Variants in TMUB2 observed in about 807,000 individuals in gnomAD.
TMUB2 encodes transmembrane and ubiquitin-like domain-containing protein 2.
A neutral mutation model predicts 20.2 loss-of-function variants in TMUB2; 19 were observed. The observed-to-expected ratio is 0.94, with a 90% CI of 0.66 to 1.38. The LOEUF is 1.38. Ranked by LOEUF, TMUB2 falls within the 40% of genes most tolerant of loss-of-function variation. The pLI, the probability that TMUB2 is intolerant of heterozygous loss-of-function variation, is 0.00. For missense variants in TMUB2, 426 were observed against 402.5 expected (o/e 1.06, Z -0.50); for synonymous variants, 186 against 166.0 (o/e 1.12, Z -0.92).
chr17:44,187,563 G>T (rs917889675), intron 1 of TMUB2, 113 bp from the exon 2 acceptor site: 15 of 649,912 alleles, frequency 2.3e-5, no homozygotes, highest in Non-Finnish European at 4.3e-5. Context: ...TTTCTTTGCC[G>T]CAGTTTCTTT....
In TMUB2 at chr17:44,190,915, C is replaced by T. The variant is rs779841612; in HGVS notation, c.*51C>T. ...TGGTCTTTCTCCTTTACGGCCTCCC[C>T]ACTTTTCCTGGCCAGAGCTGGGCCC... On this transcript the variant is annotated 3_prime_UTR_variant, in exon 4 of 4. Coordinates refer to ENST00000538716, the MANE Select transcript of TMUB2 (RefSeq NM_001076674.3). 1 of 1,541,178 alleles carries T rather than the reference C, an allele frequency of 6.5e-7. No individual in the cohort carries two copies. The highest frequency in any genetic ancestry group is 1.3e-5 in the South Asian group (1 of 77,848).
In TMUB2 at chr17:44,191,887, T is replaced by C. The variant is rs958284750; in HGVS notation, c.*1023T>C. On this transcript the variant is annotated 3_prime_UTR_variant, in exon 4 of 4. Coordinates refer to ENST00000538716, the MANE Select transcript of TMUB2 (RefSeq NM_001076674.3). ...CAGCGTTTACAAAGTTAGCTACCTGTACAGAATGGATTACATATGCAAAAA... is the reference window on the plus strand; with the variant it reads ...CAGCGTTTACAAAGTTAGCTACCTGCACAGAATGGATTACATATGCAAAAA... The C allele has an allele frequency of 5.7e-5, 15 of 263,040 alleles. No homozygotes were observed. The highest frequency in any genetic ancestry group is 3.2e-4 in the African/African-American group (14 of 43,170). The allele number at this position is 263,040 out of a possible 1,614,324, so 16.3% of individuals were successfully genotyped here.
chr17:44,188,905 A>G, intron 2 of TMUB2, 117 bp from the exon 3 acceptor site: 18 of 1,430,980 alleles, frequency 1.3e-5, no homozygotes, highest in Non-Finnish European at 1.6e-5. Flanking sequence ...CCTTCTACAC[A>G]ACACTGAACT....
intron 3 of TMUB2, 112 bp from the exon 4 acceptor site, chr17:44,190,389 A>G: frequency 8.1e-7 from 1 of 1,231,472 alleles, no homozygotes; most frequent in Non-Finnish European, 1.1e-6. Context: ...GATGAGGGAA[A>G]AAAAAATCCA....
chr17:44,187,733 A>C lies in TMUB2; in HGVS notation c.25A>C (p.Asn9His), dbSNP rs1013660396. 1.7e-5 allele frequency: 12 copies of C among 718,504 alleles called. No individual in the cohort carries two copies. The highest frequency in any genetic ancestry group is 3.5e-5 in the African/African-American group (2 of 57,266). 44.5% of individuals were successfully genotyped at this position (718,504 alleles called of 1,614,324 possible). A position where few individuals can be genotyped will look rare whatever the true frequency, so the allele number is the denominator to read the frequency against. The change falls in exon 2 of 4, where the codon AAC (asparagine) becomes CAC (histidine). Residue 9 changes from asparagine to histidine, a missense_variant. Transcript: ENST00000538716. MISRHLQN[N>H]LMSVDPASSQ... ...GATGATTTCACGTCATCTTCAAAAC[A>C]ACCTCATGAGGTAGGTACTGTTTTT...
Position 44,191,637 on chromosome 17 carries a change from C to G in TMUB2, c.*773C>G, listed in dbSNP as rs1342011501. On this transcript the variant is annotated 3_prime_UTR_variant, in exon 4 of 4. Coordinates refer to ENST00000538716, the MANE Select transcript of TMUB2 (RefSeq NM_001076674.3). ...GTCCTACCCTGCCCAACTCCAAGGA[C>G]TGGGTATGGATTGCTGGGCCCTAGG... 2 of 985,684 alleles carry G rather than the reference C, an allele frequency of 2.0e-6. No homozygotes were observed. The highest frequency in any genetic ancestry group is 3.5e-5 in the African/African-American group (2 of 57,196). 61.1% of individuals were successfully genotyped at this position (985,684 alleles called of 1,614,324 possible).
chr17:44,187,392 A>G, intron 1 of TMUB2: 1 of 372,536 alleles, frequency 2.7e-6, no homozygotes, highest in Non-Finnish European at 5.0e-6. Context: ...CCTTCGCCTC[A>G]GAAAAAGGGT....
Position 44,191,477 on chromosome 17 carries a change from G to C in TMUB2, c.*613G>C. The C allele has an allele frequency of 1.0e-6, 1 of 986,014 alleles. No homozygotes were observed. Among genetic ancestry groups the C allele is most frequent in the Non-Finnish European group, 1.2e-6 (1 of 830,148 alleles). 61.1% of individuals were successfully genotyped at this position (986,014 alleles called of 1,614,324 possible). A position where few individuals can be genotyped will look rare whatever the true frequency, so the allele number is the denominator to read the frequency against. The stretch of plus-strand genomic sequence containing the variant: ...TGCATTTTATTTTATTTTTTTAAGA[G>C]TCCTTCATAGAGCTCAGTCAGGAAG... On this transcript the variant is annotated 3_prime_UTR_variant, in exon 4 of 4. Transcript: ENST00000538716.
rs774312680 is a variant in TMUB2 at position 44,189,322 on chromosome 17, G to A, written c.336G>A (p.Glu112=). 9 of 1,591,154 alleles carry A rather than the reference G, an allele frequency of 5.7e-6. No homozygotes were observed. In the South Asian group the frequency reaches 8.1e-5, roughly 14 times the overall value. ...AGGGTAATGATGAGAAGGCTGAAGA[G>A]GCGGGTGAAGGTCGGGGAGACTCCA... is the stretch of plus-strand genomic sequence containing the variant. ...PSEGNDEKAE[E]AGEGRGDSTG... The change falls in exon 3 of 4, where the codon GAG becomes GAA. Residue 112 remains glutamate, a synonymous_variant. Coordinates refer to ENST00000538716, the MANE Select transcript of TMUB2 (RefSeq NM_001076674.3).
chr17:44,187,290 T>C (rs1231653872), intron 1 of TMUB2, 181 bp downstream of exon 1: 1 of 183,942 alleles, frequency 5.4e-6, no homozygotes, highest in Middle Eastern at 2.5e-3. Flanking sequence ...ACTGGTCTTA[T>C]CACGGAGGCT....
chr17:44,191,580 T>TAAGC lies in TMUB2; in HGVS notation c.*720_*723dup. The TAAGC allele has an allele frequency of 1.0e-6, 1 of 986,042 alleles. No homozygotes were observed. Among genetic ancestry groups the TAAGC allele is most frequent in the South Asian group, 4.7e-5 (1 of 21,294 alleles). 61.1% of individuals were successfully genotyped at this position (986,042 alleles called of 1,614,324 possible). A position where few individuals can be genotyped will look rare whatever the true frequency, so the allele number is the denominator to read the frequency against. ...TGCTGCTCCCGTAGTCCTCAGGCTG[T>TAAGC]AAGCAAGAGACAGCACTGGCCCTTG... On this transcript the variant is annotated 3_prime_UTR_variant, in exon 4 of 4. Transcript: ENST00000538716.
intron 2 of TMUB2, chr17:44,188,020 A>G (rs758130294): frequency 1.7e-5 from 8 of 464,156 alleles, no homozygotes; most frequent in East Asian, 3.7e-5. Context: ...GTACATAAGT[A>G]TAATGAAGTT....
Position 44,189,564 on chromosome 17 carries a change from A to G in TMUB2, c.578A>G (p.Glu193Gly). 6.2e-7 allele frequency: 1 copy of G among 1,603,308 alleles called. No individual in the cohort carries two copies. The highest frequency in any genetic ancestry group is 8.5e-7 in the Non-Finnish European group (1 of 1,173,788). Residue 193 changes from glutamate to glycine, a missense_variant, in exon 3 of 4, where the codon GAG becomes GGG. Transcript: ENST00000538716. ...DTEELAVARP[E>G]DTVGALKSKY... ...GAGGAGCTGGCTGTGGCTAGGCCAGAGGATACCGTGGGTGCCCTGAAGAGG... is the reference window on the plus strand; with the variant it reads ...GAGGAGCTGGCTGTGGCTAGGCCAGGGGATACCGTGGGTGCCCTGAAGAGG...
chr17:44,191,057 C>G lies in TMUB2; in HGVS notation c.*193C>G. 7.2e-7 allele frequency: 1 copy of G among 1,389,782 alleles called. No homozygotes were observed. The highest frequency in any genetic ancestry group is 1.6e-5 in the South Asian group (1 of 60,846). The allele number at this position is 1,389,782 out of a possible 1,614,324, so 86.1% of individuals were successfully genotyped here. On this transcript the variant is annotated 3_prime_UTR_variant, in exon 4 of 4. Coordinates refer to ENST00000538716, the MANE Select transcript of TMUB2 (RefSeq NM_001076674.3). ...CAGGAGTACAGATGTCCCTCCCGTG[C>G]GAGCACAACTCAGGTAGAAATGAGG...
chr17:44,190,386 GA>G (rs1017069581), intron 3 of TMUB2, 114 bp from the exon 4 acceptor site: 125 of 1,005,234 alleles, frequency 1.2e-4, no homozygotes, highest in Middle Eastern at 3.1e-4. Context: ...AAAGATGAGG[GA>G]AAAAAAAATC....
Position 44,189,351 on chromosome 17 carries a change from G to C in TMUB2, c.365G>C (p.Gly122Ala). Residue 122 changes from glycine (G) to alanine (A), a missense_variant, in exon 3 of 4, where the codon GGG becomes GCG. Physicochemically the swap from Gly to Ala is moderately conservative, Grantham distance 60. Coordinates refer to ENST00000538716, the MANE Select transcript of TMUB2 (RefSeq NM_001076674.3). ...GGTGAAGGTCGGGGAGACTCCACTG[G>C]GGAGGCTGGAGCTGGGGGTGGTGTT... ...EAGEGRGDST[G>A]EAGAGGGVEP... is the part of the protein sequence containing the mutation. 6.2e-7 allele frequency: 1 copy of C among 1,603,172 alleles called. No homozygotes were observed. Among genetic ancestry groups the C allele is most frequent in the African/African-American group, 1.3e-5 (1 of 74,930 alleles).
chr17:44,188,602 T>G (rs1338731669), intron 2 of TMUB2, among the ~76,000 whole-genome samples: 1 of 152,176 alleles, frequency 6.6e-6, no homozygotes, highest in Admixed American at 6.5e-5. Flanking sequence ...TTTGGGTCTC[T>G]CTGAAGCCAC....
At position 44,187,533 on chromosome 17, in the gene TMUB2, CTG is replaced by C; in HGVS notation, c.-33-140_-33-139del. On this transcript the variant is annotated intron_variant, in intron 1 of 3. Transcript: ENST00000538716. ...CCCTCCCCACGAGAGTTCCCTGTGTCTGTGCCAATCGTTTTCGTCTTTCTTTG... is the reference window on the plus strand; with the variant it reads ...CCCTCCCCACGAGAGTTCCCTGTGTCTGCCAATCGTTTTCGTCTTTCTTTG... 6 of 627,408 alleles carry C rather than the reference CTG, an allele frequency of 9.6e-6. No individual in the cohort carries two copies. The East Asian group carries it at 1.7e-4, about 17-fold the overall frequency. 38.9% of individuals were successfully genotyped at this position (627,408 alleles called of 1,614,324 possible).
At chr17:44,189,655 G>C (rs1248837451) in intron 3 of TMUB2, 67 bp downstream of exon 3, 2 of 1,436,138 alleles carry the variant, frequency 1.4e-6, no homozygotes, top group Non-Finnish European at 1.9e-6. Flanking sequence ...CTCTAAGGAG[G>C]CTGGTGCAGA....
Sources: gnomAD v4.1 joint callset for allele counts (sites outside exome capture counted in the v4.1 genomes callset) on GRCh38, gnomAD v4.1.1 for gene constraint, MANE v1.5 for transcripts, NCBI Gene and HGNC (gene_info 2026-07-23, HGNC 2026-07-21) for gene names.